Variants in TRPM3 observed in about 807,000 individuals in gnomAD.
TRPM3 encodes the protein long transient receptor potential channel 3.
Under a neutral mutation model 181.2 loss-of-function variants are expected in TRPM3, and 77 were observed. The observed-to-expected ratio is 0.42, with a 90% CI of 0.35 to 0.51. TRPM3 has a LOEUF of 0.51. Ranked by LOEUF, TRPM3 falls within the 20% of genes least tolerant of loss-of-function variation. TRPM3 has a pLI of 0.01. For missense variants in TRPM3, 1,759 were observed against 2,196.7 expected, an observed-to-expected ratio of 0.80 and a Z score of 3.98; for synonymous variants, 745 against 796.4, an observed-to-expected ratio of 0.94 and a Z score of 1.09.
At chr9:70,775,356 T>C (rs1237074473) in intron 7 of TRPM3, 2 of 152,186 alleles carry the variant, frequency 1.3e-5, no homozygotes, top group Non-Finnish European at 2.9e-5. Flanking sequence ...GTGCATCTCA[T>C]GGTAAGGCAG....
rs182307165 is a variant in TRPM3, at chr9:70,758,985, T to A, written c.1272+2616A>T. Among the ~76,000 whole-genome samples the A allele has an allele frequency of 2.3e-4, 35 of 152,154 alleles. No individual in the cohort carries two copies. The East Asian group carries it at 6.2e-3, about 27-fold the overall frequency. ...CACAAGCCAAAATTGACAAATGGGA[T>A]CTAATCAAACTAAAGAGCTTCTGCA... On this transcript the variant is annotated intron_variant, in intron 8 of 25. Coordinates refer to ENST00000677713, the MANE Select transcript of TRPM3 (RefSeq NM_001366145.2).
chr9:70,910,918 T>C (rs915987760), intron 1 of TRPM3, among the ~76,000 whole-genome samples: 5 of 152,202 alleles, frequency 3.3e-5, no homozygotes, highest in Non-Finnish European at 7.3e-5. Flanking sequence ...ATGAAAAATA[T>C]CACCTTCCTT....
rs71367238 is a variant in TRPM3 at position 70,921,942 on chromosome 9, A to AACACACACACACACACAC, written c.178-57449_178-57432dup. Among the ~76,000 whole-genome samples, 1,219 of 139,456 alleles carry AACACACACACACACACAC rather than the reference A, an allele frequency of 8.7e-3. 12 individuals are homozygous for AACACACACACACACACAC. The highest frequency in any genetic ancestry group is 0.014 in the Middle Eastern group (4 of 284). 91.5% of individuals were successfully genotyped at this position (139,456 alleles called of 152,430 possible). On this transcript the variant is annotated intron_variant, in intron 1 of 25. Coordinates refer to ENST00000677713, the MANE Select transcript of TRPM3 (RefSeq NM_001366145.2). ...ATACACACACACACACACACAAACA[A>AACACACACACACACACAC]ACACACACACACACACACACACACA...
At chr9:71,404,196 G>C (rs577213355) in intron 1 of TRPM3, among the ~76,000 whole-genome samples, 6 of 152,132 alleles carry the variant, frequency 3.9e-5, no homozygotes, top group Non-Finnish European at 8.8e-5. Context: ...CCTTGGCATC[G>C]TGCCTAAATA....
chr9:70,763,257 C>T (rs1483209735), intron 7 of TRPM3, among the ~76,000 whole-genome samples: 2 of 152,112 alleles, frequency 1.3e-5, no homozygotes, highest in Admixed American at 6.6e-5. Flanking sequence ...CACCTGTAAT[C>T]CTAGGACTTT....
intron 1 of TRPM3, among the ~76,000 whole-genome samples, chr9:70,958,847 G>A (rs1240267455): frequency 2.0e-5 from 3 of 151,994 alleles, no homozygotes; most frequent in East Asian, 3.9e-4. Flanking sequence ...ATGAGTTCAT[G>A]TCCTTTGTAG....
intron 1 of TRPM3, among the ~76,000 whole-genome samples, chr9:71,097,569 T>C (rs908466584): frequency 1.3e-5 from 2 of 152,052 alleles, no homozygotes; most frequent in Non-Finnish European, 2.9e-5. Context: ...TCCTCTCTCA[T>C]TGGCACCAGT....
intron 1 of TRPM3, among the ~76,000 whole-genome samples, chr9:71,271,654 C>T (rs1277685878): frequency 6.6e-6 from 1 of 151,668 alleles, no homozygotes; most frequent in African/African-American, 2.4e-5. Context: ...CACCAAAGAG[C>T]CACAAAGGAT....
intron 1 of TRPM3, among the ~76,000 whole-genome samples, chr9:71,115,397 A>G (rs950067150): frequency 1.3e-5 from 2 of 152,098 alleles, no homozygotes; most frequent in African/African-American, 2.4e-5. Context: ...GGGATTTCAT[A>G]TATCTTTCAT....
At chr9:71,045,625 T>C (rs889139039) in intron 1 of TRPM3, among the ~76,000 whole-genome samples, 23 of 152,134 alleles carry the variant, frequency 1.5e-4, no homozygotes, top group Non-Finnish European at 4.4e-5. Context: ...AGATGAGGCA[T>C]AAAAAATGCA....
chr9:70,620,781 A>C (rs2063498913), intron 15 of TRPM3, among the ~76,000 whole-genome samples: 1 of 151,970 alleles, frequency 6.6e-6, no homozygotes, highest in African/African-American at 2.4e-5. Flanking sequence ...CAAATGGATA[A>C]TTTATCTCAA....
At chr9:70,627,754 C>A (rs2064935316) in intron 12 of TRPM3, among the ~76,000 whole-genome samples, 2 of 152,120 alleles carry the variant, frequency 1.3e-5, no homozygotes, top group South Asian at 4.2e-4. Context: ...GAGACACAGA[C>A]CCCTTCCGTC....
At chr9:71,379,654 C>G (rs1156722538) in intron 1 of TRPM3, among the ~76,000 whole-genome samples, 1 of 151,830 alleles carries the variant, frequency 6.6e-6, no homozygotes, top group African/African-American at 2.4e-5. Context: ...ACACTCACAG[C>G]TGGGAATTGC....
At chr9:71,049,782 T>C (rs1179067666) in intron 1 of TRPM3, among the ~76,000 whole-genome samples, 1 of 152,164 alleles carries the variant, frequency 6.6e-6, no homozygotes, top group Non-Finnish European at 1.5e-5. Flanking sequence ...CTCCAGAGTC[T>C]TGGGAGACTA....
intron 1 of TRPM3, among the ~76,000 whole-genome samples, chr9:70,889,786 A>G (rs1292838404): frequency 6.6e-6 from 1 of 152,002 alleles, no homozygotes; most frequent in Non-Finnish European, 1.5e-5. Context: ...GAATTAAGGA[A>G]AGCCTCTACC....
intron 1 of TRPM3, among the ~76,000 whole-genome samples, chr9:70,909,532 C>T (rs1235534135): frequency 2.0e-5 from 3 of 151,898 alleles, no homozygotes; most frequent in Non-Finnish European, 4.4e-5. Flanking sequence ...AAAGAGGCAA[C>T]AGCATTGGAA....
chr9:71,264,287 C>G (rs959986338), intron 1 of TRPM3, among the ~76,000 whole-genome samples: 4 of 152,138 alleles, frequency 2.6e-5, no homozygotes, highest in Non-Finnish European at 5.9e-5. Flanking sequence ...TCTCAGAAGT[C>G]AAAGAGAATT....
chr9:70,957,558 A>G (rs2133779306), intron 1 of TRPM3, among the ~76,000 whole-genome samples: 1 of 151,904 alleles, frequency 6.6e-6, no homozygotes, highest in East Asian at 1.9e-4. Flanking sequence ...TTTTTTTTTG[A>G]AGATGGCATC....
At chr9:70,912,084 G>T (rs2096543592) in intron 1 of TRPM3, among the ~76,000 whole-genome samples, 1 of 152,184 alleles carries the variant, frequency 6.6e-6, no homozygotes, top group Non-Finnish European at 1.5e-5. Context: ...AATCAGTGTG[G>T]ATTCCTTCAT....
Sources: allele counts gnomAD v4.1 joint callset (sites outside exome capture counted in the v4.1 genomes callset), GRCh38; gene constraint gnomAD v4.1.1; transcripts MANE v1.5; gene names NCBI Gene and HGNC (gene_info 2026-07-23, HGNC 2026-07-21).